Variants in RHOBTB1 observed in about 807,000 individuals in gnomAD.
RHOBTB1 encodes the protein rho-related BTB domain-containing protein 1.
A neutral mutation model predicts 71.6 loss-of-function variants in RHOBTB1; 40 were observed. The observed-to-expected ratio is 0.56, with a 90% CI of 0.43 to 0.73. The LOEUF (loss-of-function observed/expected upper bound fraction) is 0.73, where lower values mean the gene tolerates loss of function less well. RHOBTB1 is among the 30% of genes least tolerant of loss of function. The pLI, the probability that RHOBTB1 is intolerant of heterozygous loss-of-function variation, is 0.00. For missense variants in RHOBTB1, 797 were observed against 894.0 expected, an observed-to-expected ratio of 0.89 and a Z score of 1.38; for synonymous variants, 319 against 334.9, an observed-to-expected ratio of 0.95 and a Z score of 0.52.
At chr10:60,910,058 T>C (rs77121022) in intron 4 of RHOBTB1, among the ~76,000 whole-genome samples, 9,818 of 152,260 alleles carry the variant, frequency 0.064, 578 homozygotes, top group African/African-American at 0.16. Context: ...TGTAAGGTGA[T>C]ATGATGTTTG....
chr10:60,978,018 AT>A (rs1232191466), intron 2 of RHOBTB1, among the ~76,000 whole-genome samples: 1 of 152,152 alleles, frequency 6.6e-6, no homozygotes, highest in Non-Finnish European at 1.5e-5. Context: ...ATGCCGATAT[AT>A]TTTACAGTGC....
intron 9 of RHOBTB1, among the ~76,000 whole-genome samples, 185 bp downstream of exon 9, chr10:60,874,769 T>C (rs1265120698): frequency 6.6e-6 from 1 of 152,150 alleles, no homozygotes; most frequent in Admixed American, 6.5e-5. Flanking sequence ...TTTATTCAAA[T>C]GAAGCCCAGC....
intron 4 of RHOBTB1, among the ~76,000 whole-genome samples, chr10:60,902,362 A>C (rs977746066): frequency 4.6e-5 from 7 of 152,198 alleles, no homozygotes; most frequent in Non-Finnish European, 1.0e-4. Context: ...TAACAGCAAT[A>C]ATCCACCTTT....
At chr10:60,920,965 T>G (rs996230782) in intron 2 of RHOBTB1, among the ~76,000 whole-genome samples, 5 of 151,540 alleles carry the variant, frequency 3.3e-5, no homozygotes, top group African/African-American at 1.2e-4. Context: ...GTTTTTTTTT[T>G]TTTATGAGAC....
intron 4 of RHOBTB1, among the ~76,000 whole-genome samples, chr10:60,900,215 T>C (rs761244171): frequency 6.6e-6 from 1 of 152,046 alleles, no homozygotes; most frequent in Non-Finnish European, 1.5e-5. Flanking sequence ...GGGAGAGGAC[T>C]GGGAGGGTCA....
At chr10:60,940,067 T>C (rs557684860) in intron 2 of RHOBTB1, among the ~76,000 whole-genome samples, 1 of 152,330 alleles carries the variant, frequency 6.6e-6, no homozygotes, top group South Asian at 2.1e-4. Context: ...ATAATAGTGC[T>C]GTTATAGAAT....
intron 7 of RHOBTB1, among the ~76,000 whole-genome samples, chr10:60,878,722 C>T (rs1207121462): frequency 6.6e-6 from 1 of 152,214 alleles, no homozygotes; most frequent in Non-Finnish European, 1.5e-5. Flanking sequence ...TGAACTGTCC[C>T]TTGTAGGATT....
chr10:60,978,460 T>C (rs1355140188), intron 2 of RHOBTB1, among the ~76,000 whole-genome samples: 1 of 152,188 alleles, frequency 6.6e-6, no homozygotes, highest in Non-Finnish European at 1.5e-5. Flanking sequence ...TTTGTTTTAT[T>C]CTACATTATA....
At chr10:60,957,200 A>T (rs1480241073) in intron 2 of RHOBTB1, among the ~76,000 whole-genome samples, 1 of 152,202 alleles carries the variant, frequency 6.6e-6, no homozygotes, top group South Asian at 2.1e-4. Context: ...AAATAATGAC[A>T]AAAAGGATAG....
At chr10:60,977,598 C>T (rs2086357990) in intron 2 of RHOBTB1, among the ~76,000 whole-genome samples, 1 of 151,896 alleles carries the variant, frequency 6.6e-6, no homozygotes, top group Non-Finnish European at 1.5e-5. Flanking sequence ...TCTTTTTTTA[C>T]TGTTAATATT....
At chr10:60,913,760 C>T (rs2083117475) in intron 2 of RHOBTB1, among the ~76,000 whole-genome samples, 2 of 152,126 alleles carry the variant, frequency 1.3e-5, no homozygotes, top group South Asian at 4.1e-4. Context: ...TGAAACCCTG[C>T]CTTAGAAGGA....
intron 2 of RHOBTB1, among the ~76,000 whole-genome samples, chr10:60,954,395 T>A (rs1329662674): frequency 6.6e-6 from 1 of 152,206 alleles, no homozygotes; most frequent in Non-Finnish European, 1.5e-5. Flanking sequence ...ATTTTGGAAA[T>A]ACTTAAAAAC....
upstream of RHOBTB1, among the ~76,000 whole-genome samples, chr10:61,001,906 C>T (rs1031866722): frequency 6.6e-5 from 10 of 152,224 alleles, no homozygotes; most frequent in African/African-American, 2.4e-4. Context: ...TGCAAATGGA[C>T]GCCAAGTCTG....
At chr10:60,977,626 C>CAAT (rs1456528082) in intron 2 of RHOBTB1, among the ~76,000 whole-genome samples, 3 of 151,978 alleles carry the variant, frequency 2.0e-5, no homozygotes, top group Non-Finnish European at 4.4e-5. Context: ...CTGTAAATCT[C>CAAT]AATACATCTT....
At chr10:60,952,290 T>G (rs2085439471) in intron 2 of RHOBTB1, among the ~76,000 whole-genome samples, 1 of 152,150 alleles carries the variant, frequency 6.6e-6, no homozygotes, top group Non-Finnish European at 1.5e-5. Context: ...AAAAAATGTT[T>G]CACAAAGATT....
chr10:60,911,254 A>G (rs2082952775), intron 3 of RHOBTB1, 97 bp downstream of exon 3: 1 of 1,217,788 alleles, frequency 8.2e-7, no homozygotes, highest in Non-Finnish European at 1.1e-6. Flanking sequence ...TTTGTTTTGA[A>G]TGTGTAATTT....
rs369424412 is a variant in RHOBTB1, at chr10:60,904,198, C to T, written c.296+6689G>A. ...CTGGCCTCAAGTGATCCACCTGCCTCAGCCTCCCAGAGTGCTGGGATTATA... is the reference window on the plus strand; with the variant it reads ...CTGGCCTCAAGTGATCCACCTGCCTTAGCCTCCCAGAGTGCTGGGATTATA... On this transcript the variant is annotated intron_variant, in intron 4 of 10. Coordinates refer to ENST00000337910, the MANE Select transcript of RHOBTB1 (RefSeq NM_014836.5). Among the ~76,000 whole-genome samples, 886 of 152,308 alleles carry T rather than the reference C, an allele frequency of 5.8e-3. 6 individuals are homozygous for T. Among genetic ancestry groups the T allele is most frequent in the African/African-American group, 0.021 (860 of 41,566 alleles).
At chr10:60,921,376 G>A (rs183403262) in intron 2 of RHOBTB1, among the ~76,000 whole-genome samples, 6 of 152,364 alleles carry the variant, frequency 3.9e-5, no homozygotes, top group African/African-American at 1.4e-4. Context: ...GGAGAGAAAG[G>A]ATGGTGCCTC....
chr10:60,902,577 T>G (rs2082462135), intron 4 of RHOBTB1, among the ~76,000 whole-genome samples: 1 of 152,082 alleles, frequency 6.6e-6, no homozygotes, highest in Non-Finnish European at 1.5e-5. Flanking sequence ...CCAAAAAAAT[T>G]TACAAGTCCA....
Sources: allele counts gnomAD v4.1 joint callset (sites outside exome capture counted in the v4.1 genomes callset), GRCh38; gene constraint gnomAD v4.1.1; transcripts MANE v1.5; gene names NCBI Gene and HGNC (gene_info 2026-07-23, HGNC 2026-07-21).